Variants in DNAH5 observed in about 807,000 individuals in gnomAD.
DNAH5 encodes the protein axonemal beta dynein heavy chain 5.
Under a neutral mutation model 518.2 loss-of-function variants are expected in DNAH5, and 372 were observed. The ratio of observed to expected loss-of-function variants is 0.72; its 90% CI spans 0.66 to 0.78. DNAH5 has a LOEUF of 0.78. Ranked by LOEUF, DNAH5 falls within the 30% of genes least tolerant of loss-of-function variation. The probability of loss-of-function intolerance (pLI) is 0.00; values close to 1 mark genes in which losing one functional copy is unlikely to be tolerated. For synonymous variants in DNAH5, 2,039 were observed against 2,025.9 expected (o/e 1.01, Z -0.17); for missense variants, 5,523 against 5,687.0 (o/e 0.97, Z 0.93).
rs753753927 is a variant in DNAH5 at position 13,820,360 on chromosome 5, A to C, written c.6827T>G (p.Met2276Arg). ...CTGCCCTGTACCTGTCATGGCTCTCATCAAGGTGTGGATGCAGGTGGTCTT... is the reference window on the plus strand; with the variant it reads ...CTGCCCTGTACCTGTCATGGCTCTCCTCAAGGTGTGGATGCAGGTGGTCTT... ...AGKTTCIHTL[M>R]RAMTDCGKPH... The change falls in exon 41 of 79, where the codon ATG becomes AGG. Residue 2276 changes from methionine to arginine, a missense_variant. Around this residue, in one of 3 missense-constraint regions of DNAH5, gnomAD observed 5,121 missense variants for 5,223.3 expected, o/e 0.98. Coordinates refer to ENST00000265104, the MANE Select transcript of DNAH5 (RefSeq NM_001369.3). 1 of 1,611,050 alleles carries C rather than the reference A, an allele frequency of 6.2e-7. No individual in the cohort carries two copies. Among genetic ancestry groups the C allele is most frequent in the Non-Finnish European group, 8.5e-7 (1 of 1,180,000 alleles).
intron 70 of DNAH5, among the ~76,000 whole-genome samples, chr5:13,726,343 G>A (rs1745731774): frequency 6.6e-6 from 1 of 152,212 alleles, no homozygotes; most frequent in Admixed American, 6.5e-5. Context: ...TGTGTGCAGA[G>A]TAGACTAGAG....
At chr5:13,916,773 C>G (rs572710019) in intron 8 of DNAH5, among the ~76,000 whole-genome samples, 2 of 151,702 alleles carry the variant, frequency 1.3e-5, no homozygotes, top group Non-Finnish European at 2.9e-5. Context: ...CAGGCACTTC[C>G]GAAAGCTAAA....
chr5:14,007,275 T>C (rs2152088639), intron 1 of DNAH5, among the ~76,000 whole-genome samples: 1 of 152,332 alleles, frequency 6.6e-6, no homozygotes, highest in Non-Finnish European at 1.5e-5. Flanking sequence ...GCTCTTTCAT[T>C]GTGTAGCCAA....
At chr5:13,900,669 T>C in intron 14 of DNAH5, 2 of 510,684 alleles carry the variant, frequency 3.9e-6, no homozygotes. Context: ...AAGTGGACAC[T>C]GCAACAGTGG....
intron 1 of DNAH5, among the ~76,000 whole-genome samples, chr5:13,960,693 G>T (rs1300942209): frequency 6.6e-6 from 1 of 152,152 alleles, no homozygotes; most frequent in Non-Finnish European, 1.5e-5. Flanking sequence ...GGAACCCCTG[G>T]CCAAGGCACA....
intron 1 of DNAH5, 80 bp downstream of exon 1, chr5:13,944,302 T>A: frequency 7.0e-7 from 1 of 1,422,598 alleles, no homozygotes. Flanking sequence ...TGAACCTTTT[T>A]CAAGTTTGTT....
chr5:13,847,216 G>T (rs1389990259), intron 31 of DNAH5, among the ~76,000 whole-genome samples: 1 of 151,872 alleles, frequency 6.6e-6, no homozygotes, highest in Non-Finnish European at 1.5e-5. Flanking sequence ...TGTTGTTTTT[G>T]TATAAATATG....
chr5:13,985,430 AATATATATAT>A (rs145568740), intron 1 of DNAH5, among the ~76,000 whole-genome samples: 30,107 of 127,124 alleles, frequency 0.24, 4,009 homozygotes, highest in East Asian at 0.43. Flanking sequence ...AGTATAATAA[AATATATATAT>A]ATATATATAT....
intron 35 of DNAH5, among the ~76,000 whole-genome samples, chr5:13,833,588 G>C (rs1252486904): frequency 6.6e-6 from 1 of 152,148 alleles, no homozygotes; most frequent in Admixed American, 6.5e-5. Flanking sequence ...CCCAAACAAG[G>C]GAATGAGGGA....
intron 65 of DNAH5, among the ~76,000 whole-genome samples, chr5:13,742,601 C>G (rs4701980): frequency 0.64 from 96,524 of 151,818 alleles, 30,907 homozygotes; most frequent in South Asian, 0.7. Flanking sequence ...TGTATACAAT[C>G]AGTGGCAAAC....
At chr5:13,727,692 AC>A (rs754162664) in intron 69 of DNAH5, 36 bp from the exon 70 acceptor site, 1 of 1,612,868 alleles carries the variant, frequency 6.2e-7, no homozygotes. Flanking sequence ...GTGTCATGCC[AC>A]CCAACAATCT....
rs2151962940 is a variant in DNAH5 at position 13,901,354 on chromosome 5, C to G, written c.1950G>C (p.Val650=). The change falls in exon 14 of 79, where the codon GTG becomes GTC. Residue 650 remains valine, a synonymous_variant. Transcript: ENST00000265104. ...PMQLFQQHPA[V]LSTAEAKPII... ...TAGGTTTGGCTTCTGCCGTGCTTAG[C>G]ACAGCTGGGTGCTGCTGGAAAAGCT... The G allele has an allele frequency of 1.2e-6, 2 of 1,614,170 alleles. No homozygotes were observed. The highest frequency in any genetic ancestry group is 2.2e-5 in the South Asian group (2 of 91,078).
Position 13,793,715 on chromosome 5 carries a change from A to G in DNAH5, c.8024T>C (p.Ile2675Thr), listed in dbSNP as rs1359872600. 2 of 1,614,056 alleles carry G rather than the reference A, an allele frequency of 1.2e-6. No homozygotes were observed. Among genetic ancestry groups the G allele is most frequent in the Non-Finnish European group, 8.5e-7 (1 of 1,179,990 alleles). Residue 2675 changes from isoleucine to threonine, a missense_variant, in exon 49 of 79, where the codon ATA (isoleucine) becomes ACA (threonine). Transcript: ENST00000265104. Reference protein sequence around the residue: ...NEWGDQVTNEIVRQLMEQNGF... With the variant: ...NEWGDQVTNETVRQLMEQNGF... ...ATTTTGTTCCATCAGCTGTCGCACT[A>G]TCTCATTCGTAACCTACAAAAGACA...
rs915372216 is a variant in DNAH5, at chr5:14,011,616, T to C, written c.12+32A>G. Among the ~76,000 whole-genome samples the C allele has an allele frequency of 9.2e-5, 14 of 152,120 alleles. No homozygotes were observed. In the East Asian group the frequency reaches 2.7e-3, roughly 29 times the overall value. ...GCGCCGCGGCGGCCCTGGCTGGGCG[T>C]GGGAGCCGCGTGGCCCGAGCGCGCA... On this transcript the variant is annotated intron_variant, in intron 1 of 78. Coordinates refer to the DNAH5 transcript ENST00000681290.
Position 13,809,201 on chromosome 5 carries a change from G to T in DNAH5, c.7610-15C>A. On this transcript the variant is annotated splice_polypyrimidine_tract_variant and intron_variant, in intron 45 of 78. Transcript: ENST00000265104. ...CGTCCATGTACCTAAGGTGAGCAGA[G>T]GACATTTCCATCTCCATATTAATAA... 6.2e-7 allele frequency: 1 copy of T among 1,613,814 alleles called. No homozygotes were observed. The highest frequency in any genetic ancestry group is 8.5e-7 in the Non-Finnish European group (1 of 1,179,816).
At chr5:13,909,845 C>T (rs1017704519) in intron 12 of DNAH5, among the ~76,000 whole-genome samples, 1 of 152,216 alleles carries the variant, frequency 6.6e-6, no homozygotes, top group African/African-American at 2.4e-5. Context: ...TCATAACCTA[C>T]AGCATAGAAG....
At chr5:13,886,711 A>G (rs1772491924) in intron 17 of DNAH5, among the ~76,000 whole-genome samples, 1 of 152,218 alleles carries the variant, frequency 6.6e-6, no homozygotes, top group Non-Finnish European at 1.5e-5. Flanking sequence ...ACAGACTGTC[A>G]GTTAGGCACA....
At chr5:13,904,395 A>G (rs1775033959) in intron 12 of DNAH5, among the ~76,000 whole-genome samples, 1 of 148,518 alleles carries the variant, frequency 6.7e-6, no homozygotes, top group Non-Finnish European at 1.5e-5. Flanking sequence ...TATTATATAT[A>G]AATTATAGAT....
chr5:13,956,637 G>T (rs1401058570), intron 1 of DNAH5, among the ~76,000 whole-genome samples: 1 of 152,192 alleles, frequency 6.6e-6, no homozygotes, highest in Non-Finnish European at 1.5e-5. Flanking sequence ...CCCCTAGTTA[G>T]ACAGAAGAGA....
Sources: allele counts gnomAD v4.1 joint callset (sites outside exome capture counted in the v4.1 genomes callset), GRCh38; gene constraint gnomAD v4.1.1; regional missense constraint gnomAD v4.1.1; transcripts MANE v1.5; gene names NCBI Gene and HGNC (gene_info 2026-07-23, HGNC 2026-07-21).